The following STX18 variants were observed in gnomAD, a reference collection of about 807,000 sequenced individuals.
STX18 encodes syntaxin-18.
In STX18, 40 loss-of-function variants were observed where a neutral mutation model predicts 50.1. That is an observed-to-expected ratio of 0.80 (90% CI 0.62 to 1.04). The LOEUF is 1.04. Among genes scored for constraint, STX18 ranks in the 50% least tolerant of loss-of-function variants. The pLI is 0.00. For missense variants in STX18, 410 were observed against 415.8 expected, an observed-to-expected ratio of 0.99 and a Z score of 0.12; for synonymous variants, 158 against 151.8, an observed-to-expected ratio of 1.04 and a Z score of -0.30.
chr4:4,472,965 A>C (rs1727995193), intron 1 of STX18, among the ~76,000 whole-genome samples: 1 of 152,234 alleles, frequency 6.6e-6, no homozygotes, highest in Non-Finnish European at 1.5e-5. Context: ...AAAAAGAATT[A>C]AGTATGGTCA....
At chr4:4,464,392 C>T (rs909405409) in intron 2 of STX18, among the ~76,000 whole-genome samples, 72 of 152,186 alleles carry the variant, frequency 4.7e-4, no homozygotes, top group African/African-American at 1.4e-3. Flanking sequence ...TTGCATCATT[C>T]CTTCATCTGC....
intron 5 of STX18, among the ~76,000 whole-genome samples, chr4:4,444,025 G>A (rs765610480): frequency 2.6e-5 from 4 of 152,154 alleles, no homozygotes; most frequent in Non-Finnish European, 5.9e-5. Flanking sequence ...TATACCTGGG[G>A]GCATTCCAGA....
At chr4:4,434,909 G>C in intron 6 of STX18, 51 bp from the exon 7 acceptor site, 1 of 1,321,232 alleles carries the variant, frequency 7.6e-7, no homozygotes, top group South Asian at 1.3e-5. Context: ...TTTTAGAATA[G>C]GCTGGCTTAG....
intron 5 of STX18, among the ~76,000 whole-genome samples, chr4:4,455,506 T>C (rs1023555299): frequency 6.6e-5 from 10 of 152,376 alleles, no homozygotes; most frequent in African/African-American, 1.9e-4. Context: ...AGGTTAACCC[T>C]TGCCTGGCAT....
chr4:4,507,131 GAGTTCCAAAGAATGCTAGCAACAC>G (rs1729746295), intron 1 of STX18: 1 of 557,048 alleles, frequency 1.8e-6, no homozygotes, highest in South Asian at 1.5e-5. Context: ...GAAGCCAGGT[GAGTTCCAAAGAATGCTAGCAACAC>G]AGTACAAGAC....
intron 1 of STX18, among the ~76,000 whole-genome samples, chr4:4,473,514 C>T (rs561486108): frequency 1.3e-5 from 2 of 151,952 alleles, no homozygotes; most frequent in Non-Finnish European, 2.9e-5. Context: ...AGGATGGTCC[C>T]GATCTCCGGA....
intron 2 of STX18, among the ~76,000 whole-genome samples, chr4:4,465,768 A>C (rs1465086924): frequency 6.6e-6 from 1 of 152,218 alleles, no homozygotes; most frequent in Non-Finnish European, 1.5e-5. Flanking sequence ...AGGAACTTAA[A>C]AGTTGGAAAA....
intron 5 of STX18, among the ~76,000 whole-genome samples, chr4:4,449,103 G>A (rs1004122108): frequency 2.9e-5 from 4 of 138,346 alleles, no homozygotes; most frequent in African/African-American, 1.1e-4. Flanking sequence ...CTAGAGTGTA[G>A]TGTTGTGATC....
At chr4:4,445,597 A>G (rs1235120427) in intron 5 of STX18, among the ~76,000 whole-genome samples, 6 of 152,150 alleles carry the variant, frequency 3.9e-5, no homozygotes, top group Non-Finnish European at 8.8e-5. Flanking sequence ...TAGAATAAAA[A>G]AAAAATCCAG....
intron 1 of STX18, among the ~76,000 whole-genome samples, chr4:4,499,106 T>G (rs1246791350): frequency 2.0e-5 from 3 of 152,198 alleles, no homozygotes; most frequent in African/African-American, 7.2e-5. Context: ...TTTCAAAAAT[T>G]TATCCTAGTG....
At chr4:4,423,640 A>G in intron 8 of STX18, 53 bp from the exon 9 acceptor site, 14 of 1,552,542 alleles carry the variant, frequency 9.0e-6, no homozygotes, top group Middle Eastern at 1.7e-4. Flanking sequence ...GTAATCTAAC[A>G]GGACTGTTAC....
At chr4:4,446,231 A>T (rs1726400381) in intron 5 of STX18, among the ~76,000 whole-genome samples, 1 of 152,218 alleles carries the variant, frequency 6.6e-6, no homozygotes, top group Non-Finnish European at 1.5e-5. Context: ...AGACCTAAAC[A>T]TACCACCCAG....
intron 1 of STX18, chr4:4,507,068 AAGG>A (rs1577385182): frequency 5.8e-6 from 3 of 518,958 alleles, no homozygotes; most frequent in African/African-American, 5.8e-5. Flanking sequence ...AGTGCTCAGC[AAGG>A]AGAAGGCCAT....
At chr4:4,442,977 C>A (rs1025066846) in intron 5 of STX18, among the ~76,000 whole-genome samples, 5 of 152,296 alleles carry the variant, frequency 3.3e-5, no homozygotes, top group African/African-American at 1.2e-4. Context: ...TACACTGCGT[C>A]ATTATTTCTT....
rs1408933760 is a variant in STX18 at position 4,419,393 on chromosome 4, C to A, written c.*641G>T. The A allele has an allele frequency of 6.6e-6, 1 of 152,246 alleles. No homozygotes were observed. Among genetic ancestry groups the A allele is most frequent in the Non-Finnish European group, 1.5e-5 (1 of 68,058 alleles). The allele number at this position is 152,246 out of a possible 1,614,324, so 9.4% of individuals were successfully genotyped here. On this transcript the variant is annotated 3_prime_UTR_variant, in exon 11 of 11. Coordinates refer to ENST00000306200, the MANE Select transcript of STX18 (RefSeq NM_016930.4). ...CCCCTCACTGAGGGCCCCAGTCTCC[C>A]CTGCATTTCTTCCCTGATTGATTGA...
rs1437086225 is a variant in STX18 at position 4,459,378 on chromosome 4, T to C, written c.346A>G (p.Thr116Ala). The change falls in exon 3 of 11, where the codon ACA (threonine) becomes GCA (alanine). Residue 116 changes from threonine (T) to alanine (A), a missense_variant. Transcript: ENST00000306200. ...ATCTTTCAGAGCACTTTACCTTCTG[T>C]TCGTAGTTGCTGAATTGCTTCTGAA... is the stretch of plus-strand genomic sequence containing the variant. ...TCSEAIQQLR[T>A]EAHKEIHSQQ... 1.1e-5 allele frequency: 18 copies of C among 1,613,010 alleles called. No homozygotes were observed. Among genetic ancestry groups the C allele is most frequent in the South Asian group, 2.2e-5 (2 of 91,042 alleles).
chr4:4,450,734 C>T (rs551472179), intron 5 of STX18, among the ~76,000 whole-genome samples: 1 of 152,310 alleles, frequency 6.6e-6, no homozygotes, highest in East Asian at 1.9e-4. Flanking sequence ...GCTAAGCCAC[C>T]CTCTCCTCCC....
At chr4:4,502,588 T>A (rs1381216069) in intron 1 of STX18, among the ~76,000 whole-genome samples, 1 of 152,020 alleles carries the variant, frequency 6.6e-6, no homozygotes, top group African/African-American at 2.4e-5. Flanking sequence ...AAAAAAATAT[T>A]GAGTTCTTAC....
intron 2 of STX18, chr4:4,461,937 C>G (rs114558801): frequency 0.044 from 19,968 of 456,082 alleles, 651 homozygotes; most frequent in Admixed American, 0.11. Flanking sequence ...CTCTGTTCCT[C>G]TCTCTCCTAT....
Sources: allele counts gnomAD v4.1 joint callset (sites outside exome capture counted in the v4.1 genomes callset), GRCh38; gene constraint gnomAD v4.1.1; transcripts MANE v1.5; gene names NCBI Gene and HGNC (gene_info 2026-07-23, HGNC 2026-07-21).